Variants in ITGBL1 observed in about 807,000 individuals in gnomAD.
ITGBL1 encodes the protein integrin beta-like protein 1.
Under a neutral mutation model 68.5 loss-of-function variants are expected in ITGBL1, and 51 were observed. That is an observed-to-expected ratio of 0.74 (90% CI 0.59 to 0.94). ITGBL1 has a LOEUF of 0.94. Ranked by LOEUF, ITGBL1 falls within the 40% of genes least tolerant of loss-of-function variation. The probability of loss-of-function intolerance (pLI) is 0.00; values close to 1 mark genes in which losing one functional copy is unlikely to be tolerated. For missense variants in ITGBL1, 649 were observed against 647.4 expected, an observed-to-expected ratio of 1.00 and a Z score of -0.03; for synonymous variants, 209 against 227.3, an observed-to-expected ratio of 0.92 and a Z score of 0.72.
chr13:101,647,121 G>A (rs574535208), intron 7 of ITGBL1, among the ~76,000 whole-genome samples: 57 of 152,094 alleles, frequency 3.7e-4, no homozygotes, highest in Non-Finnish European at 7.8e-4. Flanking sequence ...TTAGCATGAT[G>A]TTTGTTATTC....
chr13:101,538,415 C>T (rs1309499636), intron 2 of ITGBL1, among the ~76,000 whole-genome samples: 1 of 151,814 alleles, frequency 6.6e-6, no homozygotes, highest in African/African-American at 2.4e-5. Context: ...AGAAGGCTTT[C>T]AAATAGTAAA....
At chr13:101,567,249 C>T (rs559939395) in intron 2 of ITGBL1, among the ~76,000 whole-genome samples, 252 of 152,066 alleles carry the variant, frequency 1.7e-3, no homozygotes, top group Non-Finnish European at 1.9e-3. Context: ...ATGCTTAATT[C>T]GAGTTAACAG....
chr13:101,614,518 A>G (rs1286651637), intron 7 of ITGBL1, among the ~76,000 whole-genome samples: 1 of 152,084 alleles, frequency 6.6e-6, no homozygotes, highest in Non-Finnish European at 1.5e-5. Context: ...GTTTGAGCAC[A>G]TTTTCCATTA....
At chr13:101,461,131 A>G (rs1594822423) in intron 2 of ITGBL1, among the ~76,000 whole-genome samples, 1 of 152,322 alleles carries the variant, frequency 6.6e-6, no homozygotes, top group African/African-American at 2.4e-5. Flanking sequence ...TTTTCTATGT[A>G]AAGTTTCCCC....
At chr13:101,635,487 G>A (rs992440252) in intron 7 of ITGBL1, among the ~76,000 whole-genome samples, 2 of 151,886 alleles carry the variant, frequency 1.3e-5, no homozygotes, top group African/African-American at 4.8e-5. Context: ...AGTTGTGTGA[G>A]GTTTAAAAAA....
At position 101,705,419 on chromosome 13, in the gene ITGBL1, G is replaced by A. The variant is rs908670901; in HGVS notation, c.1133-1337G>A. Among the ~76,000 whole-genome samples, 13 of 151,356 alleles carry A rather than the reference G, an allele frequency of 8.6e-5. 1 individual carries two copies. The highest frequency in any genetic ancestry group is 2.9e-4 in the African/African-American group (12 of 41,254). On this transcript the variant is annotated intron_variant, in intron 8 of 10. Transcript: ENST00000376180. ...CCACAGTTACTTACCACGTCCTACC[G>A]ATCCGCATTCTCGCAAGTGTCCTTC...
intron 7 of ITGBL1, among the ~76,000 whole-genome samples, chr13:101,642,787 G>A (rs947994724): frequency 6.6e-6 from 1 of 151,962 alleles, no homozygotes; most frequent in African/African-American, 2.4e-5. Context: ...CATATGGCTG[G>A]CCAGTTTTCC....
intron 6 of ITGBL1, among the ~76,000 whole-genome samples, chr13:101,594,840 G>A (rs1232598765): frequency 3.3e-5 from 5 of 152,154 alleles, no homozygotes; most frequent in Admixed American, 1.3e-4. Flanking sequence ...TTGGGAGGCC[G>A]AGGTGGGCAA....
intron 2 of ITGBL1, among the ~76,000 whole-genome samples, chr13:101,548,655 A>G (rs2049868094): frequency 6.6e-6 from 1 of 151,826 alleles, no homozygotes; most frequent in Non-Finnish European, 1.5e-5. Flanking sequence ...ATAAGTAAAA[A>G]ATTGTCTTCA....
At chr13:101,482,577 C>T (rs1164909274) in intron 2 of ITGBL1, among the ~76,000 whole-genome samples, 1 of 151,962 alleles carries the variant, frequency 6.6e-6, no homozygotes, top group Non-Finnish European at 1.5e-5. Flanking sequence ...ATGGAAAACA[C>T]CCTAAATATA....
At chr13:101,650,432 GACCC>G (rs1432915352) in intron 7 of ITGBL1, among the ~76,000 whole-genome samples, 1 of 151,568 alleles carries the variant, frequency 6.6e-6, no homozygotes, top group Non-Finnish European at 1.5e-5. Context: ...TTTATATCAT[GACCC>G]TTATTTCATG....
At chr13:101,668,346 C>A (rs2033274758) in intron 7 of ITGBL1, among the ~76,000 whole-genome samples, 1 of 152,048 alleles carries the variant, frequency 6.6e-6, no homozygotes, top group Admixed American at 6.5e-5. Flanking sequence ...TGAGATCATG[C>A]CACTTCACTC....
chr13:101,615,373 A>G (rs982781189), intron 7 of ITGBL1, among the ~76,000 whole-genome samples: 2 of 152,140 alleles, frequency 1.3e-5, no homozygotes, highest in African/African-American at 4.8e-5. Context: ...GAGGAACACT[A>G]TTCAACTGAT....
chr13:101,497,535 G>C (rs1323710662), intron 2 of ITGBL1, among the ~76,000 whole-genome samples: 1 of 152,214 alleles, frequency 6.6e-6, no homozygotes, highest in African/African-American at 2.4e-5. Context: ...TGGAGGCAGA[G>C]TCTGAAAAGT....
chr13:101,591,094 G>T lies in ITGBL1; in HGVS notation c.869-7059G>T, dbSNP rs2050645018. Among the ~76,000 whole-genome samples, 5 of 152,056 alleles carry T rather than the reference G, an allele frequency of 3.3e-5. No individual in the cohort carries two copies. In the South Asian group the frequency reaches 1.0e-3, roughly 32 times the overall value. On this transcript the variant is annotated intron_variant, in intron 6 of 10. Coordinates refer to ENST00000376180, the MANE Select transcript of ITGBL1 (RefSeq NM_004791.3). The stretch of plus-strand genomic sequence containing the variant: ...ATTTTTGTATTTTTAGTAGAGATGG[G>T]GTTTCACCATGTTGGCCAGGCTGGT...
Position 101,705,733 on chromosome 13 carries a change from G to C in ITGBL1, c.1133-1023G>C, listed in dbSNP as rs554950327. On this transcript the variant is annotated intron_variant, in intron 8 of 10. Coordinates refer to ENST00000376180, the MANE Select transcript of ITGBL1 (RefSeq NM_004791.3). ...GATGGAGCAAGGTTCACTCCTGAGG[G>C]TCCTGCCAGAGCAAATGGTCAGGAG... Among the ~76,000 whole-genome samples, 19 of 152,286 alleles carry C rather than the reference G, an allele frequency of 1.2e-4. No homozygotes were observed. In the South Asian group the frequency reaches 3.9e-3, roughly 32 times the overall value.
chr13:101,494,923 C>G (rs1020055728), intron 2 of ITGBL1, among the ~76,000 whole-genome samples: 2 of 152,130 alleles, frequency 1.3e-5, no homozygotes, highest in Non-Finnish European at 2.9e-5. Context: ...CTACAACACA[C>G]CATGATTACA....
Position 101,604,876 on chromosome 13 carries a change from A to ATG in ITGBL1, c.1015+6578_1015+6579insGT, listed in dbSNP as rs1566752901. On this transcript the variant is annotated intron_variant, in intron 7 of 10. Transcript: ENST00000376180. ...TATATATATATATATATATATATATATATATATATATACACACACACACAC... is the reference window on the plus strand; with the variant it reads ...TATATATATATATATATATATATATATGTATATATATATACACACACACACAC... Among the ~76,000 whole-genome samples, 61 of 54,700 alleles carry ATG rather than the reference A, an allele frequency of 1.1e-3. 3 individuals are homozygous for ATG. The highest frequency in any genetic ancestry group is 7.2e-3 in the Admixed American group (28 of 3,908). 35.9% of individuals were successfully genotyped at this position (54,700 alleles called of 152,430 possible).
chr13:101,655,983 G>A (rs917583517), intron 7 of ITGBL1, among the ~76,000 whole-genome samples: 3 of 152,018 alleles, frequency 2.0e-5, no homozygotes, highest in Non-Finnish European at 4.4e-5. Flanking sequence ...AGGATGGCGT[G>A]AGACATCAAT....
Sources: allele counts gnomAD v4.1 joint callset (sites outside exome capture counted in the v4.1 genomes callset), GRCh38; gene constraint gnomAD v4.1.1; transcripts MANE v1.5; gene names NCBI Gene and HGNC (gene_info 2026-07-23, HGNC 2026-07-21).